The following HYLS1 variants were observed in gnomAD, a reference collection of about 807,000 sequenced individuals.
HYLS1 encodes HYLS1 centriolar and ciliogenesis associated, also known as centriolar and ciliogenesis-associated protein HYLS1.
HYLS1 carries 25 observed loss-of-function variants against 29.4 expected under a neutral mutation model. The observed-to-expected ratio is 0.85, with a 90% CI of 0.62 to 1.19. The LOEUF (loss-of-function observed/expected upper bound fraction) is 1.19, where lower values mean the gene tolerates loss of function less well. Among genes scored for constraint, HYLS1 ranks in the 50% most tolerant of loss-of-function variants. The pLI, the probability that HYLS1 is intolerant of heterozygous loss-of-function variation, is 0.00. For synonymous variants in HYLS1, 128 were observed against 126.7 expected (o/e 1.01, Z -0.07); for missense variants, 352 against 365.1 (o/e 0.96, Z 0.29).
At chr11:125,885,089 G>A (rs1201201810), upstream of HYLS1, among the ~76,000 whole-genome samples, 1 of 152,144 alleles carries the variant, frequency 6.6e-6, no homozygotes. Context: ...GAAATATTCA[G>A]GAGTAGATCC....
rs367894289 is a variant in HYLS1, at chr11:125,900,080, C to G, written c.712C>G (p.Arg238Gly). The G allele has an allele frequency of 6.2e-7, 1 of 1,614,144 alleles. No individual in the cohort carries two copies. The highest frequency in any genetic ancestry group is 1.1e-5 in the South Asian group (1 of 91,074). The change falls in exon 3 of 3, where the codon CGC becomes GGC. Residue 238 changes from arginine (R) to glycine (G), a missense_variant. By Grantham distance (125) the Arg-to-Gly change is moderately radical (BLOSUM62 -2). Transcript: ENST00000425380. ...TGGTGAAGATCATAGAAAGGAATTACGCTGGGGTGTCCGAGAGCAGATGCT... is the reference window on the plus strand; with the variant it reads ...TGGTGAAGATCATAGAAAGGAATTAGGCTGGGGTGTCCGAGAGCAGATGCT... ...LPGEDHRKEL[R>G]WGVREQMLCR...
rs765157792 is a variant in HYLS1, at chr11:125,899,634, T to C, written c.266T>C (p.Leu89Pro). The C allele has an allele frequency of 1.2e-6, 2 of 1,614,044 alleles. No homozygotes were observed. Among genetic ancestry groups the C allele is most frequent in the East Asian group, 2.2e-5 (1 of 44,886 alleles). Residue 89 changes from leucine to proline, a missense_variant, in exon 3 of 3, where the codon CTC (leucine) becomes CCC (proline). Leu to Pro is a moderately conservative substitution (Grantham distance 98, BLOSUM62 -3). Coordinates refer to ENST00000425380, the MANE Select transcript of HYLS1 (RefSeq NM_001134793.2). The stretch of plus-strand genomic sequence containing the variant: ...ACAGTCTCTGAGGCCTCCCAAAGAC[T>C]CCGAAAGCCAGTGATGAAGAGAAAG... ...SETVSEASQR[L>P]RKPVMKRKVL...
chr11:125,889,784 C>G (rs774968164), intron 1 of HYLS1, among the ~76,000 whole-genome samples: 12 of 152,212 alleles, frequency 7.9e-5, no homozygotes, highest in Middle Eastern at 3.4e-3. Flanking sequence ...TCTGGAAAAA[C>G]GGATTATCCC....
At chr11:125,894,249 T>C (rs1279566825) in intron 2 of HYLS1, 1 of 1,612,330 alleles carries the variant, frequency 6.2e-7, no homozygotes, top group African/African-American at 1.3e-5. Flanking sequence ...TTTTCAAACT[T>C]ACAGTCATAT....
In HYLS1 at chr11:125,900,593, GT is replaced by G; in HGVS notation, c.*331del. On this transcript the variant is annotated 3_prime_UTR_variant, in exon 3 of 3. Coordinates refer to ENST00000425380, the MANE Select transcript of HYLS1 (RefSeq NM_001134793.2). ...TATGAGTTGCTGTGCTTCAGTGTGT[GT>G]TTTTTAAGTTGCTGGGCATTACACT... 3.0e-6 allele frequency: 1 copy of G among 333,862 alleles called. No homozygotes were observed. Among genetic ancestry groups the G allele is most frequent in the East Asian group, 8.3e-5 (1 of 12,048 alleles). 20.7% of individuals were successfully genotyped at this position (333,862 alleles called of 1,614,324 possible). A position where few individuals can be genotyped will look rare whatever the true frequency, so the allele number is the denominator to read the frequency against.
At chr11:125,887,259 G>C (rs1463187938), upstream of HYLS1, 1 of 152,496 alleles carries the variant, frequency 6.6e-6, no homozygotes, top group African/African-American at 2.4e-5. Context: ...GCAGCCAGTT[G>C]AGAAGGGCGG....
intron 2 of HYLS1, among the ~76,000 whole-genome samples, chr11:125,893,040 C>T (rs1399572748): frequency 6.6e-6 from 1 of 152,238 alleles, no homozygotes; most frequent in African/African-American, 2.4e-5. Context: ...TTTTAACTGG[C>T]TCCCACTTGT....
Position 125,895,484 on chromosome 11 carries a change from C to A in HYLS1, c.-25-3860C>A, listed in dbSNP as rs150075002. 1.7e-5 allele frequency: 27 copies of A among 1,614,056 alleles called. No homozygotes were observed. The highest frequency in any genetic ancestry group is 2.2e-5 in the Non-Finnish European group (26 of 1,180,050). On this transcript the variant is annotated intron_variant, in intron 2 of 2. Transcript: ENST00000425380. Reference sequence around the variant, plus strand: ...AATTAATCACACCGTTGGCTACATCCATTTTACACAAGTTCCTGAAATCAT... The same window carrying A: ...AATTAATCACACCGTTGGCTACATCAATTTTACACAAGTTCCTGAAATCAT...
intron 2 of HYLS1, chr11:125,893,911 A>C (rs149469475): frequency 3.1e-6 from 5 of 1,614,050 alleles, no homozygotes; most frequent in Non-Finnish European, 4.2e-6. Flanking sequence ...CATGGAATAA[A>C]TGTGGGTGCT....
At chr11:125,884,349 C>T (rs1246295775), upstream of HYLS1, among the ~76,000 whole-genome samples, 1 of 152,126 alleles carries the variant, frequency 6.6e-6, no homozygotes, top group Non-Finnish European at 1.5e-5. Flanking sequence ...GTGGCGGGTG[C>T]CTGTAGTCCC....
At chr11:125,891,396 T>C (rs777681286) in intron 1 of HYLS1, 27 bp from the exon 2 acceptor site, 4 of 145,248 alleles carry the variant, frequency 2.8e-5, no homozygotes, top group Non-Finnish European at 6.0e-5. Context: ...AGAGTTAATT[T>C]TTTTAAACTC....
upstream of HYLS1, among the ~76,000 whole-genome samples, chr11:125,885,146 A>T (rs654538): frequency 0.96 from 146,314 of 152,330 alleles, 70,308 homozygotes; most frequent in East Asian, 1. Context: ...AAATTTAATA[A>T]AAAGGATAAC....
At chr11:125,896,012 C>T in intron 2 of HYLS1, 1 of 1,614,190 alleles carries the variant, frequency 6.2e-7, no homozygotes, top group South Asian at 1.1e-5. Flanking sequence ...CAAACAGTTT[C>T]TCTTCAATGG....
intron 1 of HYLS1, chr11:125,888,345 A>G (rs1944347014): frequency 6.6e-6 from 1 of 152,240 alleles, no homozygotes. Flanking sequence ...AAACATTAAG[A>G]TATCTTTTTA....
chr11:125,899,591 A>C lies in HYLS1; in HGVS notation c.223A>C (p.Ser75Arg), dbSNP rs375884986. 7 of 1,614,202 alleles carry C rather than the reference A, an allele frequency of 4.3e-6. No homozygotes were observed. Among genetic ancestry groups the C allele is most frequent in the Non-Finnish European group, 5.1e-6 (6 of 1,180,032 alleles). ...GCAACTACAGTACCCACATGTAGAA[A>C]GTAATGTCCCTTCAGAAACAGTCTC... ...PVQLQYPHVE[S>R]NVPSETVSEA... The change falls in exon 3 of 3, where the codon AGT becomes CGT. Residue 75 changes from serine (S) to arginine (R), a missense_variant. Coordinates refer to ENST00000425380, the MANE Select transcript of HYLS1 (RefSeq NM_001134793.2).
upstream of HYLS1, chr11:125,887,419 G>C (rs1045886679): frequency 2.0e-5 from 3 of 152,266 alleles, no homozygotes; most frequent in South Asian, 4.1e-4. Context: ...TCGCAGCAAC[G>C]GCTGCTGCCT....
rs750295335 is a variant in HYLS1, at chr11:125,890,197, C to T, written c.-75-1226C>T. On this transcript the variant is annotated intron_variant, in intron 1 of 2. Transcript: ENST00000425380. ...ACAGCCTCAAGCGATCCTCCCACCT[C>T]AGCCTCCAAAGTGCTGGAATTACAG... 1.1e-4 allele frequency among the ~76,000 whole-genome samples: 17 copies of T among 152,012 alleles called. 1 individual carries two copies. The highest frequency in any genetic ancestry group is 2.2e-4 in the Non-Finnish European group (15 of 68,020).
At chr11:125,888,745 G>A (rs551789824) in intron 1 of HYLS1, among the ~76,000 whole-genome samples, 1 of 143,232 alleles carries the variant, frequency 7.0e-6, no homozygotes, top group East Asian at 2.1e-4. Flanking sequence ...CTCCAGCCTG[G>A]GCGACCGAGC....
chr11:125,888,574 G>A (rs1425671663), intron 1 of HYLS1, among the ~76,000 whole-genome samples: 1 of 151,904 alleles, frequency 6.6e-6, no homozygotes, highest in Admixed American at 6.6e-5. Context: ...TTCGAGACCA[G>A]CCCGACCAAT....
Sources: allele counts gnomAD v4.1 joint callset (sites outside exome capture counted in the v4.1 genomes callset), GRCh38; gene constraint gnomAD v4.1.1; transcripts MANE v1.5; gene names NCBI Gene and HGNC (gene_info 2026-07-23, HGNC 2026-07-21).